The following PTPRM variants were observed in gnomAD, a reference collection of about 807,000 sequenced individuals.
PTPRM encodes receptor-type tyrosine-protein phosphatase mu.
PTPRM carries 47 observed loss-of-function variants against 186.7 expected under a neutral mutation model. The observed-to-expected ratio is 0.25, with a 90% CI of 0.20 to 0.32. PTPRM has a LOEUF of 0.32. PTPRM is among the 10% of genes least tolerant of loss of function. The pLI is 1.00. For synonymous variants in PTPRM, 668 were observed against 674.9 expected (o/e 0.99, Z 0.16); for missense variants, 1,494 against 1,865.0 (o/e 0.80, Z 3.66).
intron 20 of PTPRM, among the ~76,000 whole-genome samples, chr18:8,303,516 A>G (rs948621248): frequency 6.6e-6 from 1 of 152,212 alleles, no homozygotes; most frequent in African/African-American, 2.4e-5. Context: ...TTAGGTAAGA[A>G]TGGCCTGGCA....
chr18:8,291,056 G>T (rs1004428546), intron 19 of PTPRM, among the ~76,000 whole-genome samples: 3 of 152,150 alleles, frequency 2.0e-5, no homozygotes, highest in African/African-American at 7.2e-5. Flanking sequence ...TCACACACCT[G>T]TCCTTAAGTT....
chr18:8,105,020 C>G (rs926526231), intron 11 of PTPRM, among the ~76,000 whole-genome samples: 4 of 152,256 alleles, frequency 2.6e-5, no homozygotes, highest in African/African-American at 4.8e-5. Context: ...GGGCTAAATG[C>G]ACTTTTGTCA....
Position 8,358,735 on chromosome 18 carries a change from C to A in PTPRM, c.3055-12155C>A, listed in dbSNP as rs199896088. 3.9e-5 allele frequency among the ~76,000 whole-genome samples: 6 copies of A among 152,180 alleles called. No homozygotes were observed. In the East Asian group the frequency reaches 1.2e-3, roughly 29 times the overall value. On this transcript the variant is annotated intron_variant, in intron 23 of 32. Coordinates refer to ENST00000580170, the MANE Select transcript of PTPRM (RefSeq NM_001105244.2). ...ACCTTCAGCTGCCATGTTGCCTTCCCTGCCAGACCATAGGCTTCTGTGAGC... is the reference window on the plus strand; with the variant it reads ...ACCTTCAGCTGCCATGTTGCCTTCCATGCCAGACCATAGGCTTCTGTGAGC...
At chr18:7,664,214 C>T (rs1323346503) in intron 1 of PTPRM, among the ~76,000 whole-genome samples, 1 of 152,190 alleles carries the variant, frequency 6.6e-6, no homozygotes, top group Admixed American at 6.5e-5. Flanking sequence ...GATGAGGCAG[C>T]CCTCACTGTG....
intron 22 of PTPRM, among the ~76,000 whole-genome samples, chr18:8,324,150 A>G (rs2095362026): frequency 6.6e-6 from 1 of 152,228 alleles, no homozygotes; most frequent in Non-Finnish European, 1.5e-5. Context: ...GGTTAACAAA[A>G]TGTCACAGAT....
chr18:8,107,851 T>C (rs982466402), intron 11 of PTPRM, among the ~76,000 whole-genome samples: 2 of 152,206 alleles, frequency 1.3e-5, no homozygotes, highest in Non-Finnish European at 2.9e-5. Flanking sequence ...TCCAGTCAGT[T>C]ACTCTCAGTG....
chr18:7,715,178 C>G (rs950294863), intron 1 of PTPRM, among the ~76,000 whole-genome samples: 1 of 152,180 alleles, frequency 6.6e-6, no homozygotes, highest in Non-Finnish European at 1.5e-5. Flanking sequence ...TCAGCTTCAT[C>G]CATGGGTTGC....
In PTPRM at chr18:7,636,044, C is replaced by T. The variant is rs191275426; in HGVS notation, c.73+68153C>T. ...AATGAGAGACTGCAGGGCAGACAAA[C>T]GCTTCTGTTTTCTGACTGTGCACTC... On this transcript the variant is annotated intron_variant, in intron 1 of 32. Transcript: ENST00000580170. 1.2e-3 allele frequency among the ~76,000 whole-genome samples: 177 copies of T among 152,292 alleles called. 1 individual carries two copies. Among genetic ancestry groups the T allele is most frequent in the African/African-American group, 4.0e-3 (166 of 41,574 alleles).
At chr18:8,288,036 T>C (rs1184334614) in intron 19 of PTPRM, among the ~76,000 whole-genome samples, 1 of 152,178 alleles carries the variant, frequency 6.6e-6, no homozygotes, top group Non-Finnish European at 1.5e-5. Flanking sequence ...TTGATATACA[T>C]GGGAATCAAG....
At chr18:8,354,585 C>T (rs1399236840) in intron 23 of PTPRM, among the ~76,000 whole-genome samples, 6 of 150,776 alleles carry the variant, frequency 4.0e-5, no homozygotes, top group African/African-American at 1.5e-4. Context: ...ATCACAGCTA[C>T]CCTGAGTACA....
intron 22 of PTPRM, among the ~76,000 whole-genome samples, chr18:8,324,312 G>C (rs1312282245): frequency 6.6e-6 from 1 of 152,068 alleles, no homozygotes; most frequent in Non-Finnish European, 1.5e-5. Flanking sequence ...TGGTCAGTTT[G>C]GGTTTTACGG....
intron 15 of PTPRM, among the ~76,000 whole-genome samples, chr18:8,247,346 C>T (rs1041494716): frequency 3.3e-5 from 5 of 152,114 alleles, no homozygotes; most frequent in African/African-American, 4.8e-5. Flanking sequence ...CTAAGGAACA[C>T]GCATGGAGCA....
At chr18:8,051,919 A>G (rs562643404) in intron 7 of PTPRM, among the ~76,000 whole-genome samples, 3 of 152,298 alleles carry the variant, frequency 2.0e-5, no homozygotes, top group African/African-American at 7.2e-5. Context: ...TACAATCCAT[A>G]TCTTTTAAAA....
Position 7,721,267 on chromosome 18 carries a change from TATC to T in PTPRM, c.74-52881_74-52879del, listed in dbSNP as rs2040441721. On this transcript the variant is annotated intron_variant, in intron 1 of 32. Transcript: ENST00000580170. ...TTTATATTCTTTTTGGCCATTTGTA[TATC>T]TTCTTTGGAGGAATGTCTATTCAAG... 9.9e-5 allele frequency among the ~76,000 whole-genome samples: 15 copies of T among 152,218 alleles called. No individual in the cohort carries two copies. The South Asian group carries it at 3.1e-3, about 32-fold the overall frequency.
intron 7 of PTPRM, among the ~76,000 whole-genome samples, chr18:8,013,815 T>C (rs1344541602): frequency 1.3e-5 from 2 of 152,200 alleles, no homozygotes; most frequent in African/African-American, 4.8e-5. Flanking sequence ...TTTCTGTAGC[T>C]TCAAAAATAT....
intron 1 of PTPRM, among the ~76,000 whole-genome samples, chr18:7,738,790 T>C (rs2040828709): frequency 6.6e-6 from 1 of 152,144 alleles, no homozygotes; most frequent in Admixed American, 6.5e-5. Context: ...AGTCAGGTGT[T>C]ATTGTGGATA....
chr18:7,954,947 T>A (rs2053215845), intron 6 of PTPRM, among the ~76,000 whole-genome samples, 174 bp from the exon 7 acceptor site: 1 of 152,258 alleles, frequency 6.6e-6, no homozygotes, highest in South Asian at 2.1e-4. Context: ...CAACTTTGAA[T>A]GCTATGAAAA....
Position 8,390,743 on chromosome 18 carries a change from A to G in PTPRM, c.4208+3508A>G, listed in dbSNP as rs139360691. Reference sequence around the variant, plus strand: ...GGAGATCGAGACCATCCTGGCTAACACGGTGAAACCCCGTCTCTACTGAAA... The same window carrying G: ...GGAGATCGAGACCATCCTGGCTAACGCGGTGAAACCCCGTCTCTACTGAAA... On this transcript the variant is annotated intron_variant, in intron 31 of 32. Transcript: ENST00000580170. 9.4e-3 allele frequency among the ~76,000 whole-genome samples: 1,432 copies of G among 152,150 alleles called. 23 individuals are homozygous for G. Among genetic ancestry groups the G allele is most frequent in the African/African-American group, 0.033 (1,352 of 41,526 alleles).
At chr18:7,703,036 T>G (rs2039999826) in intron 1 of PTPRM, among the ~76,000 whole-genome samples, 1 of 152,222 alleles carries the variant, frequency 6.6e-6, no homozygotes, top group Admixed American at 6.5e-5. Flanking sequence ...CATTGGTCTA[T>G]ATATCTGTTT....
Sources: gnomAD v4.1 joint callset for allele counts (sites outside exome capture counted in the v4.1 genomes callset) on GRCh38, gnomAD v4.1.1 for gene constraint, MANE v1.5 for transcripts, NCBI Gene and HGNC (gene_info 2026-07-23, HGNC 2026-07-21) for gene names.